TTLL13: variants seen among roughly 807,000 people sequenced by gnomAD.
The protein encoded by TTLL13 is tubulin tyrosine ligase like 13, also known as tubulin polyglutamylase TTLL13.
chr15:90,258,250 T>G, the TTLL13 span: 1 of 1,614,230 alleles, frequency 6.2e-7, no homozygotes, highest in Non-Finnish European at 8.5e-7. Flanking sequence ...GACCACAAGT[T>G]GAAGCCCTGG....
chr15:90,255,673 C>T, the TTLL13 span: 5 of 1,592,230 alleles, frequency 3.1e-6, no homozygotes, highest in Non-Finnish European at 4.3e-6. Context: ...CTTCCCAATC[C>T]TCCTCCACTG....
chr15:90,251,688 A>G, the TTLL13 span: 1 of 1,438,022 alleles, frequency 7.0e-7, no homozygotes. Context: ...TCAGGCTTCC[A>G]GCCCCTGGGG....
At chr15:90,253,123 G>GC in the TTLL13 span, 2 of 610,880 alleles carry the variant, frequency 3.3e-6, no homozygotes, top group Non-Finnish European at 2.9e-6. Flanking sequence ...CAGGGCTGAG[G>GC]CAAGAACTAC....
At chr15:90,258,130 T>C in the TTLL13 span, 1 of 1,614,164 alleles carries the variant, frequency 6.2e-7, no homozygotes, top group Non-Finnish European at 8.5e-7. Context: ...ATCAAAACCA[T>C]CATCTCAGCC....
the TTLL13 span, chr15:90,257,102 G>A: frequency 6.3e-7 from 1 of 1,597,148 alleles, no homozygotes. Flanking sequence ...CACTTCAAAA[G>A]TGTTATTATT....
chr15:90,256,304 G>A, the TTLL13 span: 1 of 1,614,098 alleles, frequency 6.2e-7, no homozygotes, highest in Non-Finnish European at 8.5e-7. Flanking sequence ...CAAGGTGAAG[G>A]ATGCCTCAGG....
chr15:90,255,449 G>A, the TTLL13 span, among the ~76,000 whole-genome samples: 2 of 152,308 alleles, frequency 1.3e-5, no homozygotes, highest in African/African-American at 4.8e-5. Context: ...ACTAGGCCTG[G>A]TGGTCTGAGG....
chr15:90,251,482 T>G, the TTLL13 span: 7 of 1,416,738 alleles, frequency 4.9e-6, no homozygotes, highest in Non-Finnish European at 6.0e-6. Flanking sequence ...GTGAATTTGT[T>G]GGATGTCTTT....
At chr15:90,263,590 T>C in the TTLL13 span, 1 of 575,132 alleles carries the variant, frequency 1.7e-6, no homozygotes, top group Admixed American at 3.0e-5. Flanking sequence ...AGCAAACCTG[T>C]TGGGTCTTCT....
At chr15:90,262,119 C>T in the TTLL13 span, 1 of 1,535,944 alleles carries the variant, frequency 6.5e-7, no homozygotes, top group Admixed American at 2.0e-5. Context: ...GAGAAGTATG[C>T]CCGCTTCTTC....
chr15:90,260,626 G>A, the TTLL13 span, among the ~76,000 whole-genome samples: 1 of 152,162 alleles, frequency 6.6e-6, no homozygotes, highest in Non-Finnish European at 1.5e-5. Flanking sequence ...GCTGAGGTGG[G>A]CGGATCAGGA....
the TTLL13 span, chr15:90,251,676 G>C: frequency 2.1e-5 from 32 of 1,518,362 alleles, no homozygotes; most frequent in Middle Eastern, 1.7e-4. Context: ...ATGGACCCCC[G>C]ATCAGGCTTC....
At chr15:90,256,577 C>CTTTCTT in the TTLL13 span, among the ~76,000 whole-genome samples, 1 of 56,854 alleles carries the variant, frequency 1.8e-5, no homozygotes, top group Non-Finnish European at 3.3e-5. Flanking sequence ...TTCTTTCTTT[C>CTTTCTT]TTTCTTTCTT....
At chr15:90,262,253 C>T in the TTLL13 span, 71 of 1,431,246 alleles carry the variant, frequency 5.0e-5, 1 homozygote, top group East Asian at 5.0e-4. Flanking sequence ...AGCTGCATTG[C>T]TTCCCAGCAG....
the TTLL13 span, among the ~76,000 whole-genome samples, chr15:90,256,611 T>TTTCTTTCTTTC: frequency 3.9e-4 from 17 of 43,168 alleles, 1 homozygote; most frequent in African/African-American, 2.1e-3. Flanking sequence ...CTTTCTTTCC[T>TTTCTTTCTTTC]TCCTTCCTTC....
the TTLL13 span, chr15:90,255,852 A>G: frequency 7.4e-6 from 12 of 1,614,048 alleles, no homozygotes; most frequent in Admixed American, 2.0e-4. Context: ...TCTGAGTACA[A>G]CATCTTCCCC....
the TTLL13 span, chr15:90,251,412 C>T: frequency 3.5e-6 from 3 of 846,850 alleles, 1 homozygote; most frequent in South Asian, 2.9e-5. Flanking sequence ...GCATGAGCCA[C>T]CGCGCCCAGC....
chr15:90,264,886 A>G, the TTLL13 span: 4 of 1,536,010 alleles, frequency 2.6e-6, no homozygotes, highest in Non-Finnish European at 3.5e-6. Context: ...AACACAGAGC[A>G]GCCAAGGTTC....
the TTLL13 span, chr15:90,264,821 A>G: frequency 6.5e-7 from 1 of 1,536,138 alleles, no homozygotes; most frequent in Non-Finnish European, 8.7e-7. Flanking sequence ...GCAACCGGAA[A>G]GAGTGGCATC....
Sources: allele counts gnomAD v4.1 joint callset (sites outside exome capture counted in the v4.1 genomes callset), GRCh38; gene constraint gnomAD v4.1.1; transcripts MANE v1.5; gene names NCBI Gene and HGNC (gene_info 2026-07-23, HGNC 2026-07-21).